The following RTKN2 variants were observed in gnomAD, a reference collection of about 807,000 sequenced individuals.
RTKN2 encodes the protein rhotekin 2.
In RTKN2, 69 loss-of-function variants were observed where a neutral mutation model predicts 71.5. The observed-to-expected ratio is 0.96, with a 90% CI of 0.79 to 1.18. RTKN2 has a LOEUF of 1.18. RTKN2 is among the 50% of genes most tolerant of loss of function. RTKN2 has a pLI of 0.00. For missense variants in RTKN2, 724 were observed against 719.7 expected (o/e 1.01, Z -0.07); for synonymous variants, 236 against 236.5 (o/e 1.00, Z 0.02).
chr10:62,232,498 C>T (rs1011437180), intron 6 of RTKN2, among the ~76,000 whole-genome samples: 1 of 151,710 alleles, frequency 6.6e-6, no homozygotes, highest in African/African-American at 2.4e-5. Flanking sequence ...GAAGGGGTTT[C>T]ACCATGGTGC....
At chr10:62,265,348 G>A (rs1305815757) in intron 1 of RTKN2, among the ~76,000 whole-genome samples, 1 of 152,176 alleles carries the variant, frequency 6.6e-6, no homozygotes, top group African/African-American at 2.4e-5. Flanking sequence ...AACTTCAACA[G>A]AGACTGAGTG....
Position 62,195,300 on chromosome 10 carries a change from C to G in RTKN2, c.*2608G>C. 1.0e-6 allele frequency: 1 copy of G among 985,076 alleles called. No individual in the cohort carries two copies. Among genetic ancestry groups the G allele is most frequent in the Non-Finnish European group, 1.2e-6 (1 of 829,720 alleles). 61.0% of individuals were successfully genotyped at this position (985,076 alleles called of 1,614,324 possible). On this transcript the variant is annotated 3_prime_UTR_variant, in exon 12 of 12. Coordinates refer to ENST00000373789, the MANE Select transcript of RTKN2 (RefSeq NM_145307.4). The stretch of plus-strand genomic sequence containing the variant: ...TATATCAAGAAACAAATTAAAAGGA[C>G]AAACAAGGAATGTGAAAGCTCATAA...
At chr10:62,262,011 C>G (rs963377900) in intron 2 of RTKN2, among the ~76,000 whole-genome samples, 3 of 152,158 alleles carry the variant, frequency 2.0e-5, no homozygotes, top group Non-Finnish European at 4.4e-5. Flanking sequence ...ATTTCATATA[C>G]AAATCATAGA....
chr10:62,249,655 A>G (rs1314255508), intron 2 of RTKN2, among the ~76,000 whole-genome samples: 1 of 152,216 alleles, frequency 6.6e-6, no homozygotes, highest in Non-Finnish European at 1.5e-5. Context: ...TTTACTCATT[A>G]TTAACTAATT....
intron 11 of RTKN2, among the ~76,000 whole-genome samples, chr10:62,199,208 A>G (rs1380190461): frequency 6.6e-6 from 1 of 152,214 alleles, no homozygotes. Flanking sequence ...CTTGTTCACA[A>G]CATTATTTAC....
intron 6 of RTKN2, among the ~76,000 whole-genome samples, chr10:62,226,863 A>C (rs11815897): frequency 0.01 from 1,544 of 152,352 alleles, 13 homozygotes; most frequent in Non-Finnish European, 0.012. Context: ...TGGGAGGGTG[A>C]GGCAGGAGAA....
At chr10:62,203,534 G>C (rs544616285) in intron 10 of RTKN2, among the ~76,000 whole-genome samples, 1 of 152,012 alleles carries the variant, frequency 6.6e-6, no homozygotes, top group Non-Finnish European at 1.5e-5. Flanking sequence ...TAGTAGATAC[G>C]GGGTTTTACC....
intron 6 of RTKN2, among the ~76,000 whole-genome samples, chr10:62,231,629 T>G (rs1256594169): frequency 6.6e-6 from 1 of 152,024 alleles, no homozygotes; most frequent in East Asian, 1.9e-4. Context: ...TCAGCTACAT[T>G]TTTTTTTCTA....
chr10:62,260,367 C>T (rs553619696), intron 2 of RTKN2, among the ~76,000 whole-genome samples: 3 of 151,946 alleles, frequency 2.0e-5, no homozygotes, highest in East Asian at 3.9e-4. Flanking sequence ...TGTGTAATAA[C>T]AAAGCAATTA....
chr10:62,257,289 A>G (rs561969391), intron 2 of RTKN2, among the ~76,000 whole-genome samples: 1 of 152,314 alleles, frequency 6.6e-6, no homozygotes, highest in Admixed American at 6.5e-5. Flanking sequence ...ATAATTTATG[A>G]AAAGATATGT....
At chr10:62,259,278 A>ATAAAT (rs10675790) in intron 2 of RTKN2, 323,134 of 434,548 alleles carry the variant, frequency 0.74, 121,620 homozygotes, top group East Asian at 0.9. Flanking sequence ...CTTTTTCTTA[A>ATAAAT]TACTCAGTCT....
chr10:62,268,504 A>G, intron 1 of RTKN2, 47 bp downstream of exon 1: 1 of 1,524,868 alleles, frequency 6.6e-7, no homozygotes. Flanking sequence ...GAGGAACAGA[A>G]CCCCGGCTCC....
chr10:62,229,914 A>C (rs1470046578), intron 6 of RTKN2, among the ~76,000 whole-genome samples: 1 of 152,222 alleles, frequency 6.6e-6, no homozygotes, highest in African/African-American at 2.4e-5. Flanking sequence ...CCTCCTCTAA[A>C]AACAGTTAAA....
At position 62,262,812 on chromosome 10, in the gene RTKN2, T is replaced by C; in HGVS notation, c.70A>G (p.Ile24Val). The C allele has an allele frequency of 6.2e-7, 1 of 1,606,188 alleles. No individual in the cohort carries two copies. The highest frequency in any genetic ancestry group is 1.1e-5 in the South Asian group (1 of 89,754). The change falls in exon 2 of 12, where the codon ATT becomes GTT. Residue 24 changes from isoleucine (I) to valine (V), a missense_variant. Physicochemically the swap from Ile to Val is conservative, Grantham distance 29 (BLOSUM62 3). Transcript: ENST00000373789. Reference protein sequence around the residue: ...AGLPTQQDCNIQEKIDLEIRM... With the variant: ...AGLPTQQDCNVQEKIDLEIRM... ...ATTTCTAAGTCTATTTTTTCTTGAA[T>C]GTTGCAGTCCTAAAAAAAAAATGCA...
intron 1 of RTKN2, among the ~76,000 whole-genome samples, chr10:62,265,305 T>C (rs1010777629): frequency 6.6e-6 from 1 of 152,206 alleles, no homozygotes; most frequent in Non-Finnish European, 1.5e-5. Flanking sequence ...ATATTGTCTA[T>C]GGCTCCTTTA....
chr10:62,249,159 C>A (rs1842531116), intron 2 of RTKN2, among the ~76,000 whole-genome samples: 1 of 151,946 alleles, frequency 6.6e-6, no homozygotes, highest in Admixed American at 6.6e-5. Context: ...AGATACAGTA[C>A]CTGAGCAATG....
Position 62,193,713 on chromosome 10 carries a change from C to G in RTKN2, c.*4195G>C. ...TGGCTAGTAGCGACTGAATATCCTA[C>G]GTACCTAATTTACTGCAGTGGCTTA... is the stretch of plus-strand genomic sequence containing the variant. On this transcript the variant is annotated 3_prime_UTR_variant, in exon 12 of 12. Transcript: ENST00000373789. 1 of 985,126 alleles carries G rather than the reference C, an allele frequency of 1.0e-6. No homozygotes were observed. Among genetic ancestry groups the G allele is most frequent in the Non-Finnish European group, 1.2e-6 (1 of 829,692 alleles). The allele number at this position is 985,126 out of a possible 1,614,324, so 61.0% of individuals were successfully genotyped here. A position where few individuals can be genotyped will look rare whatever the true frequency, so the allele number is the denominator to read the frequency against.
At chr10:62,256,765 C>A (rs917294487) in intron 2 of RTKN2, among the ~76,000 whole-genome samples, 1 of 151,924 alleles carries the variant, frequency 6.6e-6, no homozygotes, top group African/African-American at 2.4e-5. Flanking sequence ...AAGCTATTAA[C>A]TGGACAACCT....
Position 62,262,691 on chromosome 10 carries a change from C to T in RTKN2, c.191G>A (p.Arg64Gln), listed in dbSNP as rs1308057174. The change falls in exon 2 of 12, where the codon CGA (arginine) becomes CAA (glutamine). Residue 64 changes from arginine (R) to glutamine (Q), a missense_variant. Coordinates refer to ENST00000373789, the MANE Select transcript of RTKN2 (RefSeq NM_145307.4). The part of the protein sequence containing the change: ...AVKNLMVCNA[R>Q]LMAYTSELQK... ...TAGCTCCGATGTATAGGCCATTAGT[C>T]GAGCATTGCACACCATGAGATTCTT... is the stretch of plus-strand genomic sequence containing the variant. 4 of 1,613,450 alleles carry T rather than the reference C, an allele frequency of 2.5e-6. No individual in the cohort carries two copies. Among genetic ancestry groups the T allele is most frequent in the South Asian group, 1.1e-5 (1 of 91,042 alleles).
Sources: gnomAD v4.1 joint callset for allele counts (sites outside exome capture counted in the v4.1 genomes callset) on GRCh38, gnomAD v4.1.1 for gene constraint, MANE v1.5 for transcripts, NCBI Gene and HGNC (gene_info 2026-07-23, HGNC 2026-07-21) for gene names.